TSEN34: variants seen among roughly 807,000 people sequenced by gnomAD.
TSEN34 encodes tRNA splicing endonuclease subunit 34.
A neutral mutation model predicts 30.2 loss-of-function variants in TSEN34; 25 were observed. That is an observed-to-expected ratio of 0.83 (90% CI 0.60 to 1.16). TSEN34 has a LOEUF of 1.16. Ranked by LOEUF, TSEN34 falls within the 50% of genes most tolerant of loss-of-function variation. TSEN34 has a pLI of 0.00. For synonymous variants in TSEN34, 209 were observed against 177.4 expected (o/e 1.18, Z -1.41); for missense variants, 475 against 411.9 (o/e 1.15, Z -1.33).
chr19:54,193,333 A>G lies in TSEN34; in HGVS notation c.904A>G (p.Thr302Ala). The G allele has an allele frequency of 6.2e-7, 1 of 1,614,028 alleles. No individual in the cohort carries two copies. Among genetic ancestry groups the G allele is most frequent in the Non-Finnish European group, 8.5e-7 (1 of 1,179,996 alleles). ...GCAGCCTGATGGTAAGGTGGTCTAC[A>G]CCTCCCTGCAATGGGCCAGCCTGCA... ...SPQPDGKVVY[T>A]SLQWASLQ Residue 302 changes from threonine (T) to alanine (A), a missense_variant, in exon 4 of 4, where the codon ACC becomes GCC. Transcript: ENST00000396388.
In TSEN34 at chr19:54,194,451, T is replaced by C. The variant is rs2076822408; in HGVS notation, c.*1089T>C. 6.6e-6 allele frequency: 1 copy of C among 152,226 alleles called. No individual in the cohort carries two copies. The highest frequency in any genetic ancestry group is 2.1e-4 in the South Asian group (1 of 4,836). The allele number at this position is 152,226 out of a possible 1,614,324, so 9.4% of individuals were successfully genotyped here. A position where few individuals can be genotyped will look rare whatever the true frequency, so the allele number is the denominator to read the frequency against. On this transcript the variant is annotated 3_prime_UTR_variant, in exon 4 of 4. Transcript: ENST00000396388. ...TGTATTTGTAAAAAATTTGCACTTA[T>C]GAAATCATTTACCCATGTTTTTGCT...
At chr19:54,191,132 G>T, upstream of TSEN34, 1 of 1,358,532 alleles carries the variant, frequency 7.4e-7, no homozygotes, top group Non-Finnish European at 9.4e-7. Context: ...AGAGGGTCGG[G>T]GGCTTGTCTC....
Position 54,194,140 on chromosome 19 carries a change from A to G in TSEN34, c.*778A>G, listed in dbSNP as rs1392003192. 1.8e-5 allele frequency: 3 copies of G among 169,102 alleles called. No homozygotes were observed. Among genetic ancestry groups the G allele is most frequent in the Non-Finnish European group, 2.6e-5 (2 of 77,676 alleles). 10.5% of individuals were successfully genotyped at this position (169,102 alleles called of 1,614,324 possible). On this transcript the variant is annotated 3_prime_UTR_variant, in exon 4 of 4. Coordinates refer to ENST00000396388, the MANE Select transcript of TSEN34 (RefSeq NM_001077446.4). ...ACCACTGCCCTCCAGCCTGGGAGAC[A>G]GAGCAAGAACCTGTCTCAAAAAATA...
upstream of TSEN34, chr19:54,191,132 G>C (rs1568844710): frequency 7.4e-7 from 1 of 1,358,532 alleles, no homozygotes; most frequent in East Asian, 3.0e-5. Context: ...AGAGGGTCGG[G>C]GGCTTGTCTC....
upstream of TSEN34, chr19:54,190,765 G>C: frequency 8.6e-7 from 1 of 1,164,254 alleles, no homozygotes; most frequent in Non-Finnish European, 1.1e-6. Flanking sequence ...CCTGTGCTCG[G>C]GAGGGGGCAG....
upstream of TSEN34, chr19:54,191,299 C>A (rs1011335343): frequency 1.7e-5 from 27 of 1,545,116 alleles, no homozygotes; most frequent in East Asian, 5.2e-4. Context: ...GCTTTGGGTG[C>A]GCTGCAGCGG....
upstream of TSEN34, chr19:54,190,294 T>G: frequency 2.9e-6 from 4 of 1,373,644 alleles, no homozygotes; most frequent in Non-Finnish European, 4.0e-6. Context: ...GGTGTCGGCA[T>G]GAGGGGGTGG....
At chr19:54,193,141 G>A (rs767346554) in intron 3 of TSEN34, 34 bp from the exon 4 acceptor site, 1 of 1,611,868 alleles carries the variant, frequency 6.2e-7, no homozygotes, top group African/African-American at 1.3e-5. Flanking sequence ...GTCTGCCATT[G>A]GTCACTGCTT....
At chr19:54,193,074 T>C (rs2076766486) in intron 3 of TSEN34, 101 bp from the exon 4 acceptor site, 2 of 1,597,020 alleles carry the variant, frequency 1.3e-6, no homozygotes, top group Non-Finnish European at 8.5e-7. Flanking sequence ...GTATCTATAG[T>C]GATGGCTGAA....
Position 54,193,543 on chromosome 19 carries a change from G to A in TSEN34, c.*181G>A. 6.5e-7 allele frequency: 1 copy of A among 1,536,600 alleles called. No individual in the cohort carries two copies. The highest frequency in any genetic ancestry group is 8.7e-7 in the Non-Finnish European group (1 of 1,145,952). ...CCTTGTTTCAAAGCACTTATTGGCT[G>A]TGTTTTTGTAGTTACCTATTTTCAC... On this transcript the variant is annotated 3_prime_UTR_variant, in exon 4 of 4. Transcript: ENST00000396388.
In TSEN34 at chr19:54,192,301, A is replaced by G. The variant is rs1390480884; in HGVS notation, c.673A>G (p.Arg225Gly). 6.2e-7 allele frequency: 1 copy of G among 1,614,158 alleles called. No individual in the cohort carries two copies. The highest frequency in any genetic ancestry group is 1.1e-5 in the South Asian group (1 of 91,084). Residue 225 changes from arginine (R) to glycine (G), a missense_variant, in exon 3 of 4, where the codon AGA becomes GGA. Arg to Gly is a moderately radical substitution (Grantham distance 125, BLOSUM62 -2). Coordinates refer to ENST00000396388, the MANE Select transcript of TSEN34 (RefSeq NM_001077446.4). ...CCACGAGCTGCGCTACAGTATCTACAGAGACCTGTGGGAGCGAGGCTTCTT... is the reference window on the plus strand; with the variant it reads ...CCACGAGCTGCGCTACAGTATCTACGGAGACCTGTGGGAGCGAGGCTTCTT... ...PAHELRYSIY[R>G]DLWERGFFLS... is the part of the protein sequence containing the mutation.
upstream of TSEN34, chr19:54,189,969 G>T (rs776968354): frequency 7.0e-5 from 28 of 401,396 alleles, 1 homozygote; most frequent in Admixed American, 1.0e-3. Flanking sequence ...TAGATAGTTG[G>T]GTACAAGTGA....
upstream of TSEN34, chr19:54,191,306 G>A: frequency 6.5e-7 from 1 of 1,546,564 alleles, no homozygotes; most frequent in South Asian, 1.2e-5. Context: ...GTGCGCTGCA[G>A]CGGTCCGCGG....
At position 54,194,231 on chromosome 19, in the gene TSEN34, A is replaced by G. The variant is rs756772776; in HGVS notation, c.*869A>G. The G allele has an allele frequency of 2.6e-5, 4 of 151,900 alleles. No homozygotes were observed. Among genetic ancestry groups the G allele is most frequent in the Non-Finnish European group, 5.9e-5 (4 of 68,032 alleles). The allele number at this position is 151,900 out of a possible 1,614,324, so 9.4% of individuals were successfully genotyped here. A position where few individuals can be genotyped will look rare whatever the true frequency, so the allele number is the denominator to read the frequency against. ...TATGTATATATATGTGTGTGTATAT[A>G]TATATATATTATGAAAGGAAATGAG... is the stretch of plus-strand genomic sequence containing the variant. On this transcript the variant is annotated 3_prime_UTR_variant, in exon 4 of 4. Coordinates refer to ENST00000396388, the MANE Select transcript of TSEN34 (RefSeq NM_001077446.4).
chr19:54,191,098 G>T, upstream of TSEN34: 1 of 1,332,416 alleles, frequency 7.5e-7, no homozygotes. Context: ...GGGTAGAGCG[G>T]GACCCTGGGG....
In TSEN34 at chr19:54,193,164, C is replaced by T; in HGVS notation, c.746-11C>T. 1 of 1,612,904 alleles carries T rather than the reference C, an allele frequency of 6.2e-7. No individual in the cohort carries two copies. Among genetic ancestry groups the T allele is most frequent in the Non-Finnish European group, 8.5e-7 (1 of 1,179,970 alleles). ...TTGGTCACTGCTTCAGTGCCTCTCT[C>T]CTTCCCCCAGGTGACCCCCTCCGCT... On this transcript the variant is annotated splice_polypyrimidine_tract_variant and intron_variant, in intron 3 of 3. Transcript: ENST00000396388.
upstream of TSEN34, chr19:54,190,800 A>C: frequency 9.1e-7 from 1 of 1,094,082 alleles, no homozygotes; most frequent in Non-Finnish European, 1.1e-6. Context: ...GGAGTCTGAG[A>C]GCGAGGAGGT....
intron 3 of TSEN34, 80 bp from the exon 4 acceptor site, chr19:54,193,095 A>G (rs968037223): frequency 1.9e-6 from 3 of 1,606,702 alleles, no homozygotes; most frequent in Non-Finnish European, 2.5e-6. Context: ...ATGATCTCAG[A>G]TCTCCTCCCA....
rs201681934 is a variant in TSEN34, at chr19:54,191,723, C to T, written c.246C>T (p.Ala82=). The part of the protein sequence containing the change: ...PRPDSRHHSL[A]LTSFKRQQEE... ...TTCCAGCGAAGTGTGCTTCTCAGGC[C>T]CTGACATCCTTCAAGCGCCAGCAAG... The change falls in exon 2 of 4, where the codon GCC becomes GCT. Residue 82 remains alanine (A), a splice_region_variant and synonymous_variant. Transcript: ENST00000396388. The T allele has an allele frequency of 1.2e-6, 2 of 1,613,954 alleles. No homozygotes were observed. Among genetic ancestry groups the T allele is most frequent in the East Asian group, 2.2e-5 (1 of 44,880 alleles).
Sources: allele counts gnomAD v4.1 joint callset, GRCh38; gene constraint gnomAD v4.1.1; transcripts MANE v1.5; gene names NCBI Gene and HGNC (gene_info 2026-07-23, HGNC 2026-07-21).